ATRNL1: variants seen among roughly 807,000 people sequenced by gnomAD.
ATRNL1 encodes attractin-like protein 1.
Under a neutral mutation model 182.7 loss-of-function variants are expected in ATRNL1, and 95 were observed. That is an observed-to-expected ratio of 0.52 (90% CI 0.44 to 0.62). ATRNL1 has a LOEUF of 0.62. Ranked by LOEUF, ATRNL1 falls within the 20% of genes least tolerant of loss-of-function variation. The pLI, the probability that ATRNL1 is intolerant of heterozygous loss-of-function variation, is 0.00. For synonymous variants in ATRNL1, 576 were observed against 568.3 expected (o/e 1.01, Z -0.19); for missense variants, 1,471 against 1,679.5 (o/e 0.88, Z 2.17).
At chr10:115,106,063 A>G (rs1339427263) in intron 1 of ATRNL1, among the ~76,000 whole-genome samples, 1 of 152,192 alleles carries the variant, frequency 6.6e-6, no homozygotes, top group East Asian at 1.9e-4. Flanking sequence ...ACGACAGCCC[A>G]TGAAAGCAGC....
intron 19 of ATRNL1, among the ~76,000 whole-genome samples, chr10:115,362,752 T>A (rs7919767): frequency 0.013 from 1,952 of 151,882 alleles, 38 homozygotes; most frequent in African/African-American, 0.044. Flanking sequence ...TTCCCACCAA[T>A]GAGTGAGAAT....
chr10:115,690,980 C>A (rs1245341519), intron 26 of ATRNL1, among the ~76,000 whole-genome samples: 2 of 152,152 alleles, frequency 1.3e-5, no homozygotes, highest in Non-Finnish European at 2.9e-5. Flanking sequence ...CCAAGCCAAC[C>A]TTCTCTGAGC....
intron 19 of ATRNL1, among the ~76,000 whole-genome samples, chr10:115,372,820 C>T (rs902859551): frequency 6.6e-6 from 1 of 151,990 alleles, no homozygotes; most frequent in Non-Finnish European, 1.5e-5. Flanking sequence ...CCTCCAGCTT[C>T]GTTCTTTTTG....
At chr10:115,286,150 A>C in intron 14 of ATRNL1, 66 bp from the exon 15 acceptor site, 1 of 746,738 alleles carries the variant, frequency 1.3e-6, no homozygotes, top group Admixed American at 2.6e-5. Context: ...AAGTACTTTG[A>C]AATAATTGAA....
intron 18 of ATRNL1, among the ~76,000 whole-genome samples, chr10:115,320,019 A>G (rs1554930918): frequency 6.6e-6 from 1 of 150,804 alleles, no homozygotes; most frequent in East Asian, 2.0e-4. Context: ...GTGTTTTTGT[A>G]GTGGTTGGTA....
intron 19 of ATRNL1, among the ~76,000 whole-genome samples, chr10:115,391,638 G>A (rs751604603): frequency 7.3e-5 from 11 of 150,622 alleles, no homozygotes; most frequent in East Asian, 1.9e-4. Context: ...TTTTTCTTTC[G>A]GACTGCAGTA....
At position 115,738,066 on chromosome 10, in the gene ATRNL1, C is replaced by A. The variant is rs147852391; in HGVS notation, c.3903+10711C>A. On this transcript the variant is annotated intron_variant, in intron 27 of 28. Coordinates refer to ENST00000355044, the MANE Select transcript of ATRNL1 (RefSeq NM_207303.4). ...GAGATGATTTTCAGTTGGTAGTAGA[C>A]AGAAGGAAATTGTAAGGAAATTGCC... 3.8e-3 allele frequency among the ~76,000 whole-genome samples: 527 copies of A among 137,316 alleles called. 3 individuals carry two copies. Among genetic ancestry groups the A allele is most frequent in the Middle Eastern group, 0.019 (4 of 212 alleles). The allele number at this position is 137,316 out of a possible 152,430, so 90.1% of individuals were successfully genotyped here.
At chr10:115,094,195 T>C (rs1467649322) in intron 1 of ATRNL1, 152 bp downstream of exon 1, 8 of 826,222 alleles carry the variant, frequency 9.7e-6, no homozygotes, top group South Asian at 9.5e-5. Flanking sequence ...CGGGCGAGAG[T>C]GGGGCCCGCG....
At chr10:115,607,389 TA>T (rs1175763496) in intron 26 of ATRNL1, among the ~76,000 whole-genome samples, 7 of 151,826 alleles carry the variant, frequency 4.6e-5, no homozygotes, top group Non-Finnish European at 1.0e-4. Flanking sequence ...AAAAATTACT[TA>T]AAAAATGATA....
rs1554862114 is a variant in ATRNL1, at chr10:115,093,589, T to G, written c.-162T>G. 2.5e-6 allele frequency: 2 copies of G among 811,988 alleles called. No homozygotes were observed. Among genetic ancestry groups the G allele is most frequent in the South Asian group, 2.9e-5 (2 of 68,270 alleles). The allele number at this position is 811,988 out of a possible 1,614,324, so 50.3% of individuals were successfully genotyped here. On this transcript the variant is annotated 5_prime_UTR_variant, in exon 1 of 29. Transcript: ENST00000355044. This position sits in a 1 kb window ranked among gnomAD's most constrained non-coding sequence, Gnocchi z 6.1. The stretch of plus-strand genomic sequence containing the variant: ...GGCAGCCGAGCGGAGGCGACGGCGG[T>G]TGGGATCTGTCCCTCCTGACCGGGG...
chr10:115,382,981 C>G (rs1858111206), intron 19 of ATRNL1, among the ~76,000 whole-genome samples: 1 of 151,746 alleles, frequency 6.6e-6, no homozygotes, highest in African/African-American at 2.4e-5. Context: ...TATATTTATG[C>G]CAGTATCATG....
chr10:115,939,822 C>T (rs782164239), intron 28 of ATRNL1, among the ~76,000 whole-genome samples: 8 of 152,054 alleles, frequency 5.3e-5, no homozygotes, highest in Admixed American at 1.3e-4. Context: ...ACAAGAAGTG[C>T]GGGATCATCC....
At chr10:115,823,467 C>T (rs1181782771) in intron 27 of ATRNL1, among the ~76,000 whole-genome samples, 3 of 152,088 alleles carry the variant, frequency 2.0e-5, no homozygotes, top group Non-Finnish European at 4.4e-5. Flanking sequence ...GTATTCAATT[C>T]GGAAGAGAGG....
chr10:115,423,763 A>G (rs1207771153), intron 20 of ATRNL1, among the ~76,000 whole-genome samples: 1 of 152,232 alleles, frequency 6.6e-6, no homozygotes, highest in Non-Finnish European at 1.5e-5. Flanking sequence ...ACCACTTAAA[A>G]AAAAATCAAA....
chr10:115,453,618 TA>T (rs1847378431), intron 21 of ATRNL1, among the ~76,000 whole-genome samples: 1 of 152,166 alleles, frequency 6.6e-6, no homozygotes, highest in South Asian at 2.1e-4. Flanking sequence ...TATGCAGCCA[TA>T]AAAAATGATG....
At chr10:115,166,397 AT>A (rs770626077) in intron 7 of ATRNL1, among the ~76,000 whole-genome samples, 4 of 147,308 alleles carry the variant, frequency 2.7e-5, no homozygotes, top group East Asian at 2.0e-4. Flanking sequence ...CTCTGTTTTC[AT>A]TTTTTTTTGG....
At chr10:115,714,601 C>T (rs893431892) in intron 26 of ATRNL1, among the ~76,000 whole-genome samples, 15 of 152,068 alleles carry the variant, frequency 9.9e-5, no homozygotes, top group African/African-American at 1.7e-4. Flanking sequence ...GAATCCCAAG[C>T]GGATGAGAAG....
chr10:115,647,020 C>T (rs1455199891), intron 26 of ATRNL1, among the ~76,000 whole-genome samples: 12 of 138,482 alleles, frequency 8.7e-5, no homozygotes, highest in Non-Finnish European at 1.2e-4. Context: ...TCTCATTGTT[C>T]AATTCCCACC....
intron 17 of ATRNL1, among the ~76,000 whole-genome samples, chr10:115,303,927 T>A (rs1014972952): frequency 6.6e-6 from 1 of 152,158 alleles, no homozygotes; most frequent in Non-Finnish European, 1.5e-5. Context: ...ACAGTTTCCC[T>A]CTCTATACAG....
Sources: allele counts gnomAD v4.1 joint callset (sites outside exome capture counted in the v4.1 genomes callset), GRCh38; gene constraint gnomAD v4.1.1; non-coding constraint Gnocchi (gnomAD v3.1); transcripts MANE v1.5; gene names NCBI Gene and HGNC (gene_info 2026-07-23, HGNC 2026-07-21).